GNAL: variants seen among roughly 807,000 people sequenced by gnomAD.
GNAL encodes guanine nucleotide-binding protein G(olf) subunit alpha.
Under a neutral mutation model 55.1 loss-of-function variants are expected in GNAL, and 18 were observed. The ratio of observed to expected loss-of-function variants is 0.33; its 90% CI spans 0.23 to 0.48. GNAL has a LOEUF of 0.48. Ranked by LOEUF, GNAL falls within the 20% of genes least tolerant of loss-of-function variation. The pLI is 0.99. For missense variants in GNAL, 412 were observed against 614.1 expected (o/e 0.67, Z 3.48); for synonymous variants, 253 against 237.0 (o/e 1.07, Z -0.62).
chr18:11,843,163 C>G (rs776096064), intron 5 of GNAL, among the ~76,000 whole-genome samples: 5 of 151,230 alleles, frequency 3.3e-5, no homozygotes, highest in Non-Finnish European at 7.4e-5. Context: ...TGCCACTGTA[C>G]TGCAGCTGAA....
intron 5 of GNAL, among the ~76,000 whole-genome samples, chr18:11,846,259 A>G (rs2143757741): frequency 6.6e-6 from 1 of 152,234 alleles, no homozygotes; most frequent in Non-Finnish European, 1.5e-5. Context: ...TAGGTTTCTC[A>G]TAACAGTATT....
At chr18:11,788,914 A>G (rs60103889) in intron 4 of GNAL, among the ~76,000 whole-genome samples, 1 of 56,302 alleles carries the variant, frequency 1.8e-5, no homozygotes, top group Non-Finnish European at 2.9e-5. Context: ...AAAAAAAAAA[A>G]ATATATATAT....
rs2032820512 is a variant in GNAL at position 11,751,353 on chromosome 18, C to G, written c.377-1500C>G. 4.1e-6 allele frequency: 1 copy of G among 242,118 alleles called. No individual in the cohort carries two copies. Among genetic ancestry groups the G allele is most frequent in the South Asian group, 1.5e-4 (1 of 6,558 alleles). 15.0% of individuals were successfully genotyped at this position (242,118 alleles called of 1,614,324 possible). On this transcript the variant is annotated intron_variant, in intron 1 of 11. Transcript: ENST00000334049. The surrounding 1 kb of genome is among the most constrained non-coding windows in gnomAD (Gnocchi z 4.5). ...CGTTCCTCTGCTACAACGCCAAGTT[C>G]GAGGCCACAGTGCCTTCTGGAAGAG...
chr18:11,799,702 AC>A (rs1211452440), intron 4 of GNAL, among the ~76,000 whole-genome samples: 1 of 152,186 alleles, frequency 6.6e-6, no homozygotes, highest in Non-Finnish European at 1.5e-5. Context: ...TATATGAAAT[AC>A]TTTTGGCCCC....
chr18:11,775,088 G>T (rs1294155177), intron 4 of GNAL, among the ~76,000 whole-genome samples: 1 of 152,192 alleles, frequency 6.6e-6, no homozygotes, highest in Non-Finnish European at 1.5e-5. Context: ...ATCTCCCCTT[G>T]ACTAATGGCT....
chr18:11,820,515 A>G (rs1001097964), intron 4 of GNAL, among the ~76,000 whole-genome samples: 3 of 152,252 alleles, frequency 2.0e-5, no homozygotes, highest in East Asian at 3.8e-4. Flanking sequence ...ATGCTGCCTT[A>G]TAAATAAAAT....
intron 1 of GNAL, among the ~76,000 whole-genome samples, chr18:11,730,694 G>A (rs2032319078): frequency 6.6e-6 from 1 of 152,054 alleles, no homozygotes; most frequent in Non-Finnish European, 1.5e-5. Context: ...AACACAGGAG[G>A]TGGAGGTTAC....
At chr18:11,861,299 G>C (rs2036131425) in intron 5 of GNAL, among the ~76,000 whole-genome samples, 1 of 151,922 alleles carries the variant, frequency 6.6e-6, no homozygotes, top group South Asian at 2.1e-4. Context: ...CTGCCCCTCT[G>C]TCTCCAGAAT....
chr18:11,780,601 T>C (rs1690156533), intron 4 of GNAL, among the ~76,000 whole-genome samples: 1 of 152,168 alleles, frequency 6.6e-6, no homozygotes, highest in South Asian at 2.1e-4. Context: ...TACAATGGAC[T>C]GAACCCAAAA....
At chr18:11,785,147 T>C (rs1178516044) in intron 4 of GNAL, among the ~76,000 whole-genome samples, 3 of 152,132 alleles carry the variant, frequency 2.0e-5, no homozygotes, top group African/African-American at 7.2e-5. Flanking sequence ...CCTACCTCAA[T>C]CCAGTCAAGT....
At position 11,882,862 on chromosome 18, in the gene GNAL, A is replaced by ACAT. The variant is rs1256410392; in HGVS notation, c.*1728_*1730dup. ...GCAAGACTTACAAATACAGCCTCAA[A>ACAT]CATTATGACACACCAACAATATCTA... is the stretch of plus-strand genomic sequence containing the variant. On this transcript the variant is annotated 3_prime_UTR_variant, in exon 12 of 12. Transcript: ENST00000334049. 1 of 152,204 alleles carries ACAT rather than the reference A, an allele frequency of 6.6e-6. No homozygotes were observed. Among genetic ancestry groups the ACAT allele is most frequent in the Non-Finnish European group, 1.5e-5 (1 of 68,038 alleles). The allele number at this position is 152,204 out of a possible 1,614,324, so 9.4% of individuals were successfully genotyped here.
intron 4 of GNAL, among the ~76,000 whole-genome samples, chr18:11,775,480 C>T (rs1033508502): frequency 2.0e-5 from 3 of 152,230 alleles, no homozygotes; most frequent in Admixed American, 2.0e-4. Context: ...ATACGTGGCC[C>T]GTGTCACACA....
intron 5 of GNAL, among the ~76,000 whole-genome samples, chr18:11,837,124 T>C (rs1252114255): frequency 6.6e-6 from 1 of 152,058 alleles, no homozygotes; most frequent in Non-Finnish European, 1.5e-5. Flanking sequence ...CAGTTAATTT[T>C]TGTATTTTTA....
At chr18:11,728,014 G>A (rs1235330990) in intron 1 of GNAL, among the ~76,000 whole-genome samples, 3 of 152,082 alleles carry the variant, frequency 2.0e-5, no homozygotes, top group Non-Finnish European at 4.4e-5. Context: ...ATCACTTGAG[G>A]CCAGGAGTTC....
chr18:11,817,933 C>G (rs546060875), intron 4 of GNAL, among the ~76,000 whole-genome samples: 1 of 151,120 alleles, frequency 6.6e-6, no homozygotes, highest in Admixed American at 6.6e-5. Flanking sequence ...AACTGTTCCT[C>G]AATAGAATTT....
intron 11 of GNAL, 68 bp downstream of exon 11, chr18:11,876,756 A>G (rs184311664): frequency 1.9e-5 from 16 of 855,806 alleles, no homozygotes; most frequent in African/African-American, 1.2e-4. Flanking sequence ...ACAATATGCA[A>G]ATTACTCCTT....
At chr18:11,785,269 C>A (rs1356331478) in intron 4 of GNAL, among the ~76,000 whole-genome samples, 21 of 152,124 alleles carry the variant, frequency 1.4e-4, no homozygotes, top group Admixed American at 1.4e-3. Context: ...GTCATTGCTC[C>A]TGGATTCTGC....
At chr18:11,693,073 A>C (rs61280493) in intron 1 of GNAL, among the ~76,000 whole-genome samples, 8 of 152,068 alleles carry the variant, frequency 5.3e-5, no homozygotes, top group African/African-American at 9.7e-5. Context: ...TGACAAAAAA[A>C]AATAAGACAA....
chr18:11,759,578 G>A (rs2033171584), intron 4 of GNAL, among the ~76,000 whole-genome samples: 1 of 152,246 alleles, frequency 6.6e-6, no homozygotes, highest in African/African-American at 2.4e-5. Flanking sequence ...CTGAGTGTTC[G>A]GTCAGTGTGC....
Sources: allele counts gnomAD v4.1 joint callset (sites outside exome capture counted in the v4.1 genomes callset), GRCh38; gene constraint gnomAD v4.1.1; non-coding constraint Gnocchi (gnomAD v3.1); transcripts MANE v1.5; gene names NCBI Gene and HGNC (gene_info 2026-07-23, HGNC 2026-07-21).